The following MARCHF1 variants were observed in gnomAD, a reference collection of about 807,000 sequenced individuals.
The protein encoded by MARCHF1 is E3 ubiquitin-protein ligase MARCHF1.
MARCHF1 carries 40 observed loss-of-function variants against 54.2 expected under a neutral mutation model. The ratio of observed to expected loss-of-function variants is 0.74; its 90% CI spans 0.57 to 0.96. The LOEUF is 0.96. Ranked by LOEUF, MARCHF1 falls within the 40% of genes least tolerant of loss-of-function variation. The pLI is 0.00. For missense variants in MARCHF1, 586 were observed against 656.5 expected, an observed-to-expected ratio of 0.89 and a Z score of 1.17; for synonymous variants, 236 against 236.3, an observed-to-expected ratio of 1.00 and a Z score of 0.01.
At chr4:164,365,826 G>A (rs982097057) in intron 1 of MARCHF1, among the ~76,000 whole-genome samples, 1 of 151,950 alleles carries the variant, frequency 6.6e-6, no homozygotes, top group Non-Finnish European at 1.5e-5. Flanking sequence ...ATATAAACAA[G>A]TATATATGCT....
intron 2 of MARCHF1, among the ~76,000 whole-genome samples, chr4:164,102,071 A>G: frequency 1.0e-5 from 1 of 100,146 alleles, no homozygotes; most frequent in Non-Finnish European, 2.1e-5. Context: ...AGAAAAAAGA[A>G]TAAAAAGAAA....
intron 3 of MARCHF1, among the ~76,000 whole-genome samples, chr4:163,962,963 A>G (rs920480152): frequency 2.0e-5 from 3 of 151,974 alleles, no homozygotes; most frequent in Non-Finnish European, 4.4e-5. Context: ...AATACATTCT[A>G]AAAAATATCC....
intron 1 of MARCHF1, among the ~76,000 whole-genome samples, chr4:164,176,966 C>CCATATATATATA (rs1730688881): frequency 2.1e-5 from 1 of 46,736 alleles, no homozygotes; most frequent in African/African-American, 1.1e-4. Flanking sequence ...CTCTCTCTCT[C>CCATATATATATA]TCTCTCTCTC....
rs77062675 is a variant in MARCHF1, at chr4:163,819,030, G to A, written c.111+34991C>T. On this transcript the variant is annotated intron_variant, in intron 4 of 9. Transcript: ENST00000514618. ...GTCCAATGACAATATTCATCTTAAT[G>A]ATCCATCATCAGCATGGCCTCCATA... is the stretch of plus-strand genomic sequence containing the variant. Among the ~76,000 whole-genome samples the A allele has an allele frequency of 7.2e-3, 1,088 of 152,146 alleles. 8 individuals carry two copies. Among genetic ancestry groups the A allele is most frequent in the Admixed American group, 0.014 (213 of 15,244 alleles).
chr4:163,550,003 C>T (rs1739046996), intron 8 of MARCHF1, among the ~76,000 whole-genome samples: 1 of 152,128 alleles, frequency 6.6e-6, no homozygotes, highest in African/African-American at 2.4e-5. Context: ...AAAATGCAGG[C>T]CGGGCGCAGT....
intron 4 of MARCHF1, among the ~76,000 whole-genome samples, chr4:163,798,433 CAGAG>C (rs1747984563): frequency 6.6e-6 from 1 of 152,128 alleles, no homozygotes; most frequent in Non-Finnish European, 1.5e-5. Flanking sequence ...CAGAATAAGA[CAGAG>C]AGCATTATCA....
At chr4:164,219,924 G>A (rs1265721866) in intron 1 of MARCHF1, among the ~76,000 whole-genome samples, 1 of 151,736 alleles carries the variant, frequency 6.6e-6, no homozygotes, top group African/African-American at 2.4e-5. Context: ...ACCCAGACAC[G>A]GTGAAGTTAC....
At chr4:163,816,062 T>C (rs756128101) in intron 4 of MARCHF1, among the ~76,000 whole-genome samples, 5 of 152,228 alleles carry the variant, frequency 3.3e-5, no homozygotes, top group Non-Finnish European at 7.3e-5. Context: ...ACGGCAACCA[T>C]ATTGCATCAG....
intron 4 of MARCHF1, among the ~76,000 whole-genome samples, chr4:163,733,193 A>ATATATATATATATATATATATACACGTG (rs1745903276): frequency 3.2e-4 from 7 of 21,780 alleles, no homozygotes; most frequent in African/African-American, 4.4e-4. Context: ...ATATATATAT[A>ATATATATATATATATATATATACACGTG]TATATATATA....
chr4:163,982,208 C>G (rs1752777414), intron 3 of MARCHF1, among the ~76,000 whole-genome samples: 2 of 152,194 alleles, frequency 1.3e-5, no homozygotes, highest in African/African-American at 2.4e-5. Flanking sequence ...ACATGGGACT[C>G]TAATACTCAA....
At chr4:164,255,113 G>C (rs1164801625) in intron 1 of MARCHF1, among the ~76,000 whole-genome samples, 1 of 152,114 alleles carries the variant, frequency 6.6e-6, no homozygotes, top group Non-Finnish European at 1.5e-5. Flanking sequence ...GAAATCTGTA[G>C]CCTATCTAAT....
At chr4:163,926,390 T>C (rs931731622) in intron 3 of MARCHF1, among the ~76,000 whole-genome samples, 3 of 151,806 alleles carry the variant, frequency 2.0e-5, no homozygotes, top group Admixed American at 6.6e-5. Context: ...TTAACTGTTA[T>C]TGGACATTTG....
chr4:164,014,131 G>T (rs1394558815), intron 2 of MARCHF1, among the ~76,000 whole-genome samples: 1 of 150,740 alleles, frequency 6.6e-6, no homozygotes, highest in African/African-American at 2.4e-5. Context: ...GGCAGAGGTT[G>T]CAGTGACCCG....
intron 3 of MARCHF1, chr4:163,932,666 T>C: frequency 4.1e-6 from 2 of 485,106 alleles, no homozygotes; most frequent in South Asian, 3.5e-5. Flanking sequence ...CCTACATGAG[T>C]GCGGTTGGGG....
At chr4:163,801,849 A>G (rs541955016) in intron 4 of MARCHF1, among the ~76,000 whole-genome samples, 7 of 152,228 alleles carry the variant, frequency 4.6e-5, no homozygotes, top group Non-Finnish European at 1.0e-4. Context: ...TGCCTATATA[A>G]GTTCTTTTTC....
In MARCHF1 at chr4:163,662,915, A is replaced by G. The variant is rs147182329; in HGVS notation, c.162+37898T>C. 5.9e-5 allele frequency among the ~76,000 whole-genome samples: 9 copies of G among 152,160 alleles called. No individual in the cohort carries two copies. In the East Asian group the frequency reaches 1.6e-3, roughly 26 times the overall value. ...CACCACTAAGGATGCGACTGTCTGC[A>G]CTACAGTAACCTCACCCCTTCTTCA... On this transcript the variant is annotated intron_variant, in intron 5 of 9. Coordinates refer to ENST00000514618, the MANE Select transcript of MARCHF1 (RefSeq NM_001394959.1).
chr4:164,244,446 G>A (rs1480012292), intron 1 of MARCHF1, among the ~76,000 whole-genome samples: 9 of 150,010 alleles, frequency 6.0e-5, no homozygotes, highest in East Asian at 3.9e-4. Context: ...TCTCTGGGAC[G>A]CATTCAAAGC....
intron 5 of MARCHF1, among the ~76,000 whole-genome samples, chr4:163,676,562 C>A (rs1342727958): frequency 6.6e-6 from 1 of 152,014 alleles, no homozygotes; most frequent in Non-Finnish European, 1.5e-5. Context: ...GCTGCGGCAA[C>A]ATAGCAAGAC....
At chr4:163,981,145 A>T (rs1752754725) in intron 3 of MARCHF1, among the ~76,000 whole-genome samples, 1 of 151,626 alleles carries the variant, frequency 6.6e-6, no homozygotes, top group South Asian at 2.1e-4. Context: ...AGGTGCCAGA[A>T]TTGTTTTTTT....
Sources: allele counts gnomAD v4.1 joint callset (sites outside exome capture counted in the v4.1 genomes callset), GRCh38; gene constraint gnomAD v4.1.1; transcripts MANE v1.5; gene names NCBI Gene and HGNC (gene_info 2026-07-23, HGNC 2026-07-21).